Variants in ACSL6 observed in about 807,000 individuals in gnomAD.
ACSL6 encodes the protein acyl-CoA synthetase long chain family member 6, also known as long-chain-fatty-acid--CoA ligase 6.
In ACSL6, 47 loss-of-function variants were observed where a neutral mutation model predicts 98.2. The observed-to-expected ratio is 0.48, with a 90% CI of 0.38 to 0.61. The LOEUF is 0.61. Among genes scored for constraint, ACSL6 ranks in the 20% least tolerant of loss-of-function variants. The pLI is 0.00. For synonymous variants in ACSL6, 362 were observed against 336.9 expected (o/e 1.07, Z -0.82); for missense variants, 761 against 913.4 (o/e 0.83, Z 2.15).
chr5:131,961,551 T>C (rs866429988), intron 18 of ACSL6, among the ~76,000 whole-genome samples: 5 of 151,024 alleles, frequency 3.3e-5, no homozygotes, highest in African/African-American at 9.7e-5. Context: ...AAAAAATATA[T>C]CCAGGTGTGG....
At chr5:131,971,346 G>A (rs185871191) in intron 14 of ACSL6, among the ~76,000 whole-genome samples, 2 of 152,202 alleles carry the variant, frequency 1.3e-5, no homozygotes, top group Non-Finnish European at 2.9e-5. Context: ...ATTTCCCAGA[G>A]TGGATAAACC....
intron 5 of ACSL6, 65 bp from the exon 6 acceptor site, chr5:131,988,969 G>A (rs1754355048): frequency 6.2e-6 from 9 of 1,448,946 alleles, no homozygotes; most frequent in Non-Finnish European, 8.7e-6. Context: ...CTGCCCTTAG[G>A]CCTAGGTAAC....
intron 14 of ACSL6, among the ~76,000 whole-genome samples, chr5:131,970,409 C>A (rs1216694704): frequency 2.0e-5 from 3 of 150,142 alleles, no homozygotes; most frequent in African/African-American, 7.3e-5. Context: ...GGAAGAAGTG[C>A]TATTTTTTTT....
rs929645585 is a variant in ACSL6, at chr5:131,950,440, T to C, written c.*3794A>G. On this transcript the variant is annotated 3_prime_UTR_variant, in exon 21 of 21. Coordinates refer to ENST00000651883, the MANE Select transcript of ACSL6 (RefSeq NM_001009185.3). Reference sequence around the variant, plus strand: ...GTTAATTGTAAATTCATAGAAAGTATTTTCTAGCATACTTGAGAGGAAATT... The same window carrying C: ...GTTAATTGTAAATTCATAGAAAGTACTTTCTAGCATACTTGAGAGGAAATT... The C allele has an allele frequency of 1.5e-5, 3 of 204,558 alleles. No homozygotes were observed. The highest frequency in any genetic ancestry group is 3.0e-5 in the Non-Finnish European group (3 of 99,962). The allele number at this position is 204,558 out of a possible 1,614,324, so 12.7% of individuals were successfully genotyped here.
intron 1 of ACSL6, 88 bp from the exon 2 acceptor site, chr5:131,994,339 GAAACACTGTAGGGCAGGCCCTC>G (rs1187635296): frequency 4.3e-6 from 5 of 1,165,858 alleles, no homozygotes; most frequent in Non-Finnish European, 6.2e-6. Context: ...TATCTGGTCT[GAAACACTGTAGGGCAGGCCCTC>G]GGGGAGTTGG....
At position 132,011,437 on chromosome 5, in the gene ACSL6, A is replaced by G. The variant is rs576439231; in HGVS notation, c.49+68T>C. On this transcript the variant is annotated intron_variant, in intron 1 of 20. Coordinates refer to ENST00000651883, the MANE Select transcript of ACSL6 (RefSeq NM_001009185.3). This position sits in a 1 kb window ranked among gnomAD's most constrained non-coding sequence, Gnocchi z 5.4. ...GCGGCCGCGGAGATGTAACACCTCC[A>G]CCTCGGGCGAAGACCTCATAGCCTG... 2 of 1,528,608 alleles carry G rather than the reference A, an allele frequency of 1.3e-6. No homozygotes were observed. The highest frequency in any genetic ancestry group is 2.7e-5 in the African/African-American group (2 of 72,950). 94.7% of individuals were successfully genotyped at this position (1,528,608 alleles called of 1,614,324 possible).
intron 1 of ACSL6, chr5:132,006,993 A>C (rs1161425788): frequency 6.6e-6 from 1 of 152,228 alleles, no homozygotes; most frequent in Non-Finnish European, 1.5e-5. Flanking sequence ...TGGTAAGGAA[A>C]CAGCTTATAA....
intron 17 of ACSL6, among the ~76,000 whole-genome samples, chr5:131,966,143 G>A (rs972269539): frequency 9.2e-5 from 14 of 152,168 alleles, no homozygotes; most frequent in African/African-American, 3.4e-4. Flanking sequence ...ACTGTCAGAT[G>A]TCTTTCTGGA....
chr5:131,957,931 T>TA (rs1265112213), intron 20 of ACSL6, among the ~76,000 whole-genome samples: 1 of 152,026 alleles, frequency 6.6e-6, no homozygotes, highest in Non-Finnish European at 1.5e-5. Flanking sequence ...GCCTTGGCAA[T>TA]AAAACTAAAG....
chr5:131,982,936 GC>G (rs772564643), intron 9 of ACSL6: 1 of 152,106 alleles, frequency 6.6e-6, no homozygotes, highest in African/African-American at 2.4e-5. Context: ...CCATCCCTAT[GC>G]CCTCAGCACC....
chr5:131,996,097 A>G (rs1156709183), intron 1 of ACSL6, among the ~76,000 whole-genome samples: 1 of 152,196 alleles, frequency 6.6e-6, no homozygotes, highest in Non-Finnish European at 1.5e-5. Flanking sequence ...TCAGCCACCC[A>G]CAGGCTCTGG....
chr5:131,991,136 G>A (rs1322510086), intron 2 of ACSL6, among the ~76,000 whole-genome samples, 169 bp from the exon 3 acceptor site: 1 of 152,172 alleles, frequency 6.6e-6, no homozygotes, highest in Non-Finnish European at 1.5e-5. Flanking sequence ...CACCTGGACT[G>A]TATACACTCA....
rs560348677 is a variant in ACSL6, at chr5:131,961,150, G to A, written c.1858-529C>T. ...AGTGATCCTCCCATCTCAACCTCCC[G>A]AGTAGCTGGGACTACAGGTGCATGC... On this transcript the variant is annotated intron_variant, in intron 18 of 20. Coordinates refer to ENST00000651883, the MANE Select transcript of ACSL6 (RefSeq NM_001009185.3). 1.3e-4 allele frequency among the ~76,000 whole-genome samples: 20 copies of A among 151,918 alleles called. No individual in the cohort carries two copies. In the East Asian group the frequency reaches 1.8e-3, roughly 13 times the overall value.
At chr5:131,976,025 A>G in intron 10 of ACSL6, 1 of 985,482 alleles carries the variant, frequency 1.0e-6, no homozygotes, top group Non-Finnish European at 1.2e-6. Flanking sequence ...GTGAAGAAAA[A>G]GCCAAACTTT....
intron 20 of ACSL6, among the ~76,000 whole-genome samples, chr5:131,957,074 G>T (rs1208501187): frequency 6.6e-6 from 1 of 152,088 alleles, no homozygotes; most frequent in African/African-American, 2.4e-5. Flanking sequence ...CATAATTTTA[G>T]AGACATAGTA....
rs1752157595 is a variant in ACSL6 at position 131,951,570 on chromosome 5, A to G, written c.*2664T>C. On this transcript the variant is annotated 3_prime_UTR_variant, in exon 21 of 21. Transcript: ENST00000651883. ...ATATTTTAAGTGGCAAAAAGAAGAA[A>G]CCTTGTTTTTGTTTTTTTTTTTTCT... The G allele has an allele frequency of 5.4e-6, 1 of 185,730 alleles. No individual in the cohort carries two copies. Among genetic ancestry groups the G allele is most frequent in the Admixed American group, 6.2e-5 (1 of 16,080 alleles). The allele number at this position is 185,730 out of a possible 1,614,324, so 11.5% of individuals were successfully genotyped here. A position where few individuals can be genotyped will look rare whatever the true frequency, so the allele number is the denominator to read the frequency against.
intron 1 of ACSL6, among the ~76,000 whole-genome samples, chr5:132,001,529 C>T (rs917685122): frequency 6.6e-6 from 1 of 152,204 alleles, no homozygotes; most frequent in Non-Finnish European, 1.5e-5. Context: ...ACCCACTGTA[C>T]ATCCCCCATG....
intron 2 of ACSL6, 133 bp downstream of exon 2, chr5:131,993,898 T>C (rs2074808): frequency 0.14 from 119,908 of 887,792 alleles, 9,470 homozygotes; most frequent in East Asian, 0.35. Flanking sequence ...CAGAGCTAAG[T>C]GGCTGACTGC....
intron 10 of ACSL6, chr5:131,975,555 G>A: frequency 2.0e-6 from 2 of 985,330 alleles, no homozygotes; most frequent in Non-Finnish European, 2.4e-6. Flanking sequence ...GCCAGAGGAG[G>A]AGACAAGGCC....
Sources: gnomAD v4.1 joint callset for allele counts (sites outside exome capture counted in the v4.1 genomes callset) on GRCh38, gnomAD v4.1.1 for gene constraint, Gnocchi (gnomAD v3.1) non-coding constraint, MANE v1.5 for transcripts, NCBI Gene and HGNC (gene_info 2026-07-23, HGNC 2026-07-21) for gene names.